Variants in ENAM observed in about 807,000 individuals in gnomAD.
The protein encoded by ENAM is enamelin, also known as amelogenesis imperfecta 2, hypocalcification (autosomal dominant).
A neutral mutation model predicts 33.6 loss-of-function variants in ENAM; 21 were observed. That is an observed-to-expected ratio of 0.63 (90% CI 0.44 to 0.90). The LOEUF (loss-of-function observed/expected upper bound fraction) is 0.90, where lower values mean the gene tolerates loss of function less well. ENAM is among the 40% of genes least tolerant of loss of function. The probability of loss-of-function intolerance (pLI) is 0.00; values close to 1 mark genes in which losing one functional copy is unlikely to be tolerated. For missense variants in ENAM, 1,388 were observed against 1,366.9 expected, an observed-to-expected ratio of 1.02 and a Z score of -0.24; for synonymous variants, 473 against 468.4, an observed-to-expected ratio of 1.01 and a Z score of -0.13.
intron 7 of ENAM, 168 bp from the exon 8 acceptor site, chr4:70,637,622 T>A: frequency 1.5e-6 from 1 of 667,690 alleles, no homozygotes; most frequent in Non-Finnish European, 2.7e-6. Context: ...AGATCATAAT[T>A]CTTAGCAGCT....
chr4:70,631,621 A>C, intron 2 of ENAM, 49 bp from the exon 3 acceptor site: 1 of 1,352,386 alleles, frequency 7.4e-7, no homozygotes, highest in Non-Finnish European at 1.1e-6. Context: ...GAGTGCCCTA[A>C]GCATACTTAT....
rs767110609 is a variant in ENAM at position 70,642,301 on chromosome 4, T to G, written c.875T>G (p.Leu292Arg). ...NPPAQNGIGP[L>R]PAVNASGQGG... ...CCAGCTCAAAATGGGATTGGCCCACTCCCTGCAGTCAACGCTTCAGGCCAG... is the reference window on the plus strand; with the variant it reads ...CCAGCTCAAAATGGGATTGGCCCACGCCCTGCAGTCAACGCTTCAGGCCAG... Residue 292 changes from leucine (L) to arginine (R), a missense_variant, in exon 9 of 9, where the codon CTC (leucine) becomes CGC (arginine). Transcript: ENST00000396073. The G allele has an allele frequency of 2.5e-6, 4 of 1,614,020 alleles. No individual in the cohort carries two copies. In the South Asian group the frequency reaches 3.3e-5, roughly 13 times the overall value.
intron 6 of ENAM, among the ~76,000 whole-genome samples, chr4:70,635,567 G>A (rs2109821571): frequency 6.6e-6 from 1 of 152,212 alleles, no homozygotes; most frequent in African/African-American, 2.4e-5. Context: ...TTAGTAAAAT[G>A]GGAATAGTAA....
chr4:70,641,218 C>A (rs1729631311), intron 8 of ENAM, among the ~76,000 whole-genome samples: 1 of 152,074 alleles, frequency 6.6e-6, no homozygotes, highest in African/African-American at 2.4e-5. Flanking sequence ...TGGAGGTACT[C>A]ATGAAATCTT....
intron 8 of ENAM, among the ~76,000 whole-genome samples, chr4:70,641,794 G>C (rs1005905414): frequency 1.3e-5 from 2 of 152,050 alleles, no homozygotes; most frequent in African/African-American, 4.8e-5. Context: ...CCTAAAAAGA[G>C]AAAGCTGAGC....
chr4:70,636,020 A>C (rs1191542003), intron 7 of ENAM, 126 bp downstream of exon 7: 5 of 531,120 alleles, frequency 9.4e-6, no homozygotes, highest in Non-Finnish European at 1.7e-5. Flanking sequence ...GTATGAAACA[A>C]AACCAGTGCA....
intron 8 of ENAM, among the ~76,000 whole-genome samples, chr4:70,641,137 T>G (rs550423567): frequency 3.0e-4 from 45 of 152,262 alleles, no homozygotes; most frequent in Non-Finnish European, 5.4e-4. Flanking sequence ...TAGTGGTGAA[T>G]GTTGCTTAAA....
At chr4:70,640,818 T>C (rs956221282) in intron 8 of ENAM, among the ~76,000 whole-genome samples, 1 of 152,152 alleles carries the variant, frequency 6.6e-6, no homozygotes, top group African/African-American at 2.4e-5. Flanking sequence ...TTGTACTGCT[T>C]TGATGTTATG....
Position 70,643,829 on chromosome 4 carries a change from A to G in ENAM, c.2403A>G (p.Pro801=). The G allele has an allele frequency of 6.2e-7, 1 of 1,614,120 alleles. No homozygotes were observed. The highest frequency in any genetic ancestry group is 2.2e-5 in the East Asian group (1 of 44,890). ...TACAAAAAGCCCCAGCTAGGCCACC[A>G]GACCAGAAAGGTAACCAGCCCTATT... is the stretch of plus-strand genomic sequence containing the variant. ...THLQKAPARP[P]DQKGNQPYYS... Residue 801 remains proline (P), a synonymous_variant, in exon 9 of 9, where the codon CCA becomes CCG. Coordinates refer to ENST00000396073, the MANE Select transcript of ENAM (RefSeq NM_031889.3).
At chr4:70,641,370 AT>A (rs201367639) in intron 8 of ENAM, among the ~76,000 whole-genome samples, 3,600 of 146,370 alleles carry the variant, frequency 0.025, 131 homozygotes, top group African/African-American at 0.072. Context: ...TCTTTCTTTT[AT>A]TTTTTTTTAT....
Position 70,644,207 on chromosome 4 carries a change from C to A in ENAM, c.2781C>A (p.Ser927Arg). 6.2e-7 allele frequency: 1 copy of A among 1,614,160 alleles called. No individual in the cohort carries two copies. Residue 927 changes from serine to arginine, a missense_variant, in exon 9 of 9, where the codon AGC becomes AGA. Ser to Arg is a moderately radical substitution (Grantham distance 110). Coordinates refer to ENST00000396073, the MANE Select transcript of ENAM (RefSeq NM_031889.3). ...KQTRDIISPT[S>R]ILPGQRNSSE... The stretch of plus-strand genomic sequence containing the variant: ...CAAGAGATATCATCTCCCCAACAAG[C>A]ATCCTACCAGGCCAAAGAAACAGCT...
intron 2 of ENAM, 144 bp downstream of exon 2, chr4:70,629,698 A>G (rs956362477): frequency 3.9e-6 from 3 of 764,220 alleles, no homozygotes; most frequent in Non-Finnish European, 7.2e-6. Context: ...ATGGAAGAAG[A>G]ACTTACACAG....
Position 70,643,144 on chromosome 4 carries a change from CTCCACCTT to C in ENAM, c.1720_1727del (p.Pro574Ter). Reference sequence around the variant, plus strand: ...AATACTTGGGACCACCAAGAAATCTCTCCACCTTTTAAGGAAGATCCAGGGAGGCAAGA... The same window carrying C: ...AATACTTGGGACCACCAAGAAATCTCTTAAGGAAGATCCAGGGAGGCAAGA... On this transcript the variant is annotated frameshift_variant, in exon 9 of 9. Transcript: ENST00000396073. LOFTEE classifies it low-confidence loss of function (END_TRUNC). 1 of 1,614,072 alleles carries C rather than the reference CTCCACCTT, an allele frequency of 6.2e-7. No homozygotes were observed. The highest frequency in any genetic ancestry group is 8.5e-7 in the Non-Finnish European group (1 of 1,180,018).
In ENAM at chr4:70,643,003, G is replaced by A. The variant is rs1738642973; in HGVS notation, c.1577G>A (p.Arg526Lys). Reference sequence around the variant, plus strand: ...AAAGGGATTGTTTTAGGGTCAAGAAGGATGCCATATGAATCAGAAACTAAT... The same window carrying A: ...AAAGGGATTGTTTTAGGGTCAAGAAAGATGCCATATGAATCAGAAACTAAT... ...LPKGIVLGSR[R>K]MPYESETNQS... Residue 526 changes from arginine to lysine, a missense_variant, in exon 9 of 9, where the codon AGG (arginine) becomes AAG (lysine). By Grantham distance (26) the Arg-to-Lys change is conservative. Coordinates refer to ENST00000396073, the MANE Select transcript of ENAM (RefSeq NM_031889.3). The A allele has an allele frequency of 1.9e-6, 3 of 1,614,042 alleles. No individual in the cohort carries two copies. The highest frequency in any genetic ancestry group is 2.5e-6 in the Non-Finnish European group (3 of 1,180,010).
Position 70,643,250 on chromosome 4 carries a change from C to T in ENAM, c.1824C>T (p.Pro608=). 1 of 1,613,930 alleles carries T rather than the reference C, an allele frequency of 6.2e-7. No homozygotes were observed. The highest frequency in any genetic ancestry group is 1.1e-5 in the South Asian group (1 of 91,044). ...ACCCTGAATATAACCCATATGATCC[C>T]AGGGAAAACTCACCATACCTTAGAG... The part of the protein sequence containing the change: ...VFYPEYNPYD[P]RENSPYLRGN... The change falls in exon 9 of 9, where the codon CCC becomes CCT. Residue 608 remains proline (P), a synonymous_variant. Coordinates refer to ENST00000396073, the MANE Select transcript of ENAM (RefSeq NM_031889.3).
chr4:70,631,242 A>G (rs1217502753), intron 2 of ENAM, among the ~76,000 whole-genome samples: 1 of 152,190 alleles, frequency 6.6e-6, no homozygotes, highest in Non-Finnish European at 1.5e-5. Context: ...ATTATTCTGT[A>G]CAATGAATGT....
At position 70,629,401 on chromosome 4, in the gene ENAM, G is replaced by A. The variant is rs1577966883; in HGVS notation, c.-60-40G>A. ...TGTGCTGCCTTAGAACTGAAGCTTT[G>A]CTATTCATTTCATTTATTTGTTCCA... On this transcript the variant is annotated intron_variant, in intron 1 of 8. Transcript: ENST00000396073. 4 of 887,750 alleles carry A rather than the reference G, an allele frequency of 4.5e-6. No homozygotes were observed. The East Asian group carries it at 7.2e-5, about 16-fold the overall frequency. The allele number at this position is 887,750 out of a possible 1,614,324, so 55.0% of individuals were successfully genotyped here.
chr4:70,637,230 G>A (rs1738473122), intron 7 of ENAM, among the ~76,000 whole-genome samples: 1 of 152,150 alleles, frequency 6.6e-6, no homozygotes, highest in Admixed American at 6.5e-5. Flanking sequence ...AACTTGAGAA[G>A]CAGAAACTCG....
chr4:70,636,952 A>G (rs745610557), intron 7 of ENAM, among the ~76,000 whole-genome samples: 1 of 152,242 alleles, frequency 6.6e-6, no homozygotes, highest in African/African-American at 2.4e-5. Flanking sequence ...CTAAACAAAC[A>G]AAACAACAGG....
Sources: allele counts gnomAD v4.1 joint callset (sites outside exome capture counted in the v4.1 genomes callset), GRCh38; gene constraint gnomAD v4.1.1; transcripts MANE v1.5; gene names NCBI Gene and HGNC (gene_info 2026-07-23, HGNC 2026-07-21).